The following TGS1 variants were observed in gnomAD, a reference collection of about 807,000 sequenced individuals.
The protein encoded by TGS1 is trimethylguanosine synthase 1.
In TGS1, 69 loss-of-function variants were observed where a neutral mutation model predicts 92.2. The ratio of observed to expected loss-of-function variants is 0.75; its 90% CI spans 0.62 to 0.91. The LOEUF (loss-of-function observed/expected upper bound fraction) is 0.91, where lower values mean the gene tolerates loss of function less well. Among genes scored for constraint, TGS1 ranks in the 40% least tolerant of loss-of-function variants. TGS1 has a pLI of 0.00. For synonymous variants in TGS1, 345 were observed against 338.1 expected (o/e 1.02, Z -0.22); for missense variants, 1,062 against 1,001.2 (o/e 1.06, Z -0.82).
intron 10 of TGS1, 101 bp downstream of exon 10, chr8:55,805,137 T>C: frequency 1.3e-6 from 1 of 768,820 alleles, no homozygotes; most frequent in Non-Finnish European, 1.9e-6. Flanking sequence ...AATATATAAT[T>C]AATAATTTAA....
At chr8:55,811,519 T>C (rs958033048) in intron 11 of TGS1, among the ~76,000 whole-genome samples, 1 of 149,976 alleles carries the variant, frequency 6.7e-6, no homozygotes, top group African/African-American at 2.5e-5. Flanking sequence ...CCCAGCACTT[T>C]GGGAGGCCGA....
intron 4 of TGS1, among the ~76,000 whole-genome samples, chr8:55,789,842 AT>A (rs1811823260): frequency 6.6e-6 from 1 of 152,232 alleles, no homozygotes; most frequent in South Asian, 2.1e-4. Context: ...GCTGCCTGTG[AT>A]TAGCCAAAAC....
At chr8:55,823,683 A>G (rs1211561519) in intron 12 of TGS1, among the ~76,000 whole-genome samples, 3 of 152,154 alleles carry the variant, frequency 2.0e-5, no homozygotes, top group Admixed American at 6.6e-5. Flanking sequence ...TGTTGAATGA[A>G]TGAGAGAGAG....
At chr8:55,809,020 A>T (rs904606539) in intron 10 of TGS1, among the ~76,000 whole-genome samples, 1 of 152,256 alleles carries the variant, frequency 6.6e-6, no homozygotes, top group African/African-American at 2.4e-5. Context: ...AATTACACTT[A>T]ACTGTTTTGA....
intron 12 of TGS1, 134 bp from the exon 13 acceptor site, chr8:55,824,447 A>G: frequency 8.9e-7 from 1 of 1,119,906 alleles, no homozygotes; most frequent in Non-Finnish European, 1.3e-6. Context: ...GTAGCAGTGA[A>G]CATTTGAGAT....
At chr8:55,778,134 A>G (rs557562887) in intron 1 of TGS1, among the ~76,000 whole-genome samples, 3 of 152,072 alleles carry the variant, frequency 2.0e-5, no homozygotes, top group Non-Finnish European at 4.4e-5. Context: ...TTAGCCAGGC[A>G]TGGTGGGGCA....
chr8:55,792,344 C>G (rs566622731), intron 5 of TGS1, among the ~76,000 whole-genome samples: 1 of 152,012 alleles, frequency 6.6e-6, no homozygotes, highest in African/African-American at 2.4e-5. Flanking sequence ...TTAAGGGAAA[C>G]CTCTGGAGAA....
chr8:55,824,833 T>TA lies in TGS1; in HGVS notation c.*131dup. The TA allele has an allele frequency of 9.8e-7, 1 of 1,019,302 alleles. No homozygotes were observed. 63.1% of individuals were successfully genotyped at this position (1,019,302 alleles called of 1,614,324 possible). On this transcript the variant is annotated 3_prime_UTR_variant, in exon 13 of 13. Coordinates refer to ENST00000260129, the MANE Select transcript of TGS1 (RefSeq NM_024831.8). ...TATATCACCGTATGAAATGGAAACT[T>TA]ACAGGACTTAAATATCAGTGAAATA... is the stretch of plus-strand genomic sequence containing the variant.
intron 1 of TGS1, among the ~76,000 whole-genome samples, chr8:55,780,657 C>T (rs62515242): frequency 6.6e-6 from 1 of 151,988 alleles, no homozygotes; most frequent in African/African-American, 2.4e-5. Flanking sequence ...GATAACTTCC[C>T]CCTGAATCAG....
intron 1 of TGS1, among the ~76,000 whole-genome samples, chr8:55,776,020 A>G (rs1370847844): frequency 6.6e-5 from 10 of 152,182 alleles, no homozygotes; most frequent in Admixed American, 6.5e-4. Flanking sequence ...TGTAGCAGGA[A>G]GAACCGCAGA....
rs545370349 is a variant in TGS1, at chr8:55,813,060, C to T, written c.2381C>T (p.Ser794Phe). The T allele has an allele frequency of 6.2e-7, 1 of 1,609,588 alleles. No homozygotes were observed. The highest frequency in any genetic ancestry group is 8.5e-7 in the Non-Finnish European group (1 of 1,176,890). The change falls in exon 12 of 13, where the codon TCT becomes TTT. Residue 794 changes from serine (S) to phenylalanine (F), a missense_variant. Physicochemically the swap from Ser to Phe is radical, Grantham distance 155 (BLOSUM62 -2). Transcript: ENST00000260129. Reference sequence around the variant, plus strand: ...TCCACCTTTGAAATTTTCAGACTTTCTAAGAAGATCACTAATAATATTGTT... The same window carrying T: ...TCCACCTTTGAAATTTTCAGACTTTTTAAGAAGATCACTAATAATATTGTT... ...SPDGFEIFRL[S>F]KKITNNIVYF...
chr8:55,808,100 A>G (rs1212340543), intron 10 of TGS1, among the ~76,000 whole-genome samples: 1 of 152,196 alleles, frequency 6.6e-6, no homozygotes, highest in Non-Finnish European at 1.5e-5. Context: ...TTACCATTAC[A>G]TAGATTTTTA....
chr8:55,822,816 CTT>C (rs373673315), intron 12 of TGS1, among the ~76,000 whole-genome samples: 4 of 152,080 alleles, frequency 2.6e-5, no homozygotes, highest in African/African-American at 9.7e-5. Flanking sequence ...CTGTGTCTGA[CTT>C]TTTACATACT....
chr8:55,773,800 G>T (rs1347185580), intron 1 of TGS1, 81 bp downstream of exon 1: 10 of 1,168,954 alleles, frequency 8.6e-6, no homozygotes, highest in Non-Finnish European at 1.2e-5. Context: ...GGTTGTAATT[G>T]ATCCCTGAAA....
At position 55,796,031 on chromosome 8, in the gene TGS1, A is replaced by C. The variant is rs780409627; in HGVS notation, c.1421A>C (p.Asn474Thr). Residue 474 changes from asparagine (N) to threonine (T), a missense_variant, in exon 7 of 13, where the codon AAT (asparagine) becomes ACT (threonine). Coordinates refer to ENST00000260129, the MANE Select transcript of TGS1 (RefSeq NM_024831.8). ...SHRQVRYLEK[N>T]VKLKSKYLDM... ...CGGCAGGTCAGGTATTTAGAGAAGAATGTGAAGCTTAAGTCTAAGTACCTA... is the reference window on the plus strand; with the variant it reads ...CGGCAGGTCAGGTATTTAGAGAAGACTGTGAAGCTTAAGTCTAAGTACCTA... The C allele has an allele frequency of 6.2e-7, 1 of 1,613,782 alleles. No homozygotes were observed. Among genetic ancestry groups the C allele is most frequent in the East Asian group, 2.2e-5 (1 of 44,804 alleles).
rs1264851373 is a variant in TGS1, at chr8:55,792,724, C to T, written c.1307C>T (p.Pro436Leu). 1.9e-6 allele frequency: 3 copies of T among 1,613,720 alleles called. No individual in the cohort carries two copies. The highest frequency in any genetic ancestry group is 2.5e-6 in the Non-Finnish European group (3 of 1,179,822). ...CATGAACTGGACATTGATGAAAACC[C>T]AGCTTCAGACTTTGATGACAGTGGT... ...RSHELDIDENPASDFDDSGSL... is the reference protein window; with the variant it reads ...RSHELDIDENLASDFDDSGSL... Residue 436 changes from proline to leucine, a missense_variant, in exon 6 of 13, where the codon CCA becomes CTA. Pro to Leu is a moderately conservative substitution (Grantham distance 98). Coordinates refer to ENST00000260129, the MANE Select transcript of TGS1 (RefSeq NM_024831.8).
intron 10 of TGS1, among the ~76,000 whole-genome samples, chr8:55,809,609 A>T (rs1048949492): frequency 4.6e-5 from 7 of 152,040 alleles, no homozygotes; most frequent in African/African-American, 1.7e-4. Context: ...GGCACATGCC[A>T]CCCCACCTGG....
intron 12 of TGS1, among the ~76,000 whole-genome samples, chr8:55,821,779 A>G (rs1368939734): frequency 3.3e-5 from 5 of 152,104 alleles, no homozygotes; most frequent in South Asian, 4.2e-4. Flanking sequence ...AGGCTGAGGC[A>G]GGAGAATGGC....
chr8:55,813,302 A>G lies in TGS1; in HGVS notation c.2439+184A>G, dbSNP rs145478575. Among the ~76,000 whole-genome samples the G allele has an allele frequency of 8.9e-4, 135 of 152,318 alleles. 1 individual carries two copies. The East Asian group carries it at 0.024, about 27-fold the overall frequency. ...TGTCTATTACATCGTCTTCATTTCCATAGCTCCTGGCATACATAGACACAA... is the reference window on the plus strand; with the variant it reads ...TGTCTATTACATCGTCTTCATTTCCGTAGCTCCTGGCATACATAGACACAA... On this transcript the variant is annotated intron_variant, in intron 12 of 12. Transcript: ENST00000260129.
Sources: gnomAD v4.1 joint callset for allele counts (sites outside exome capture counted in the v4.1 genomes callset) on GRCh38, gnomAD v4.1.1 for gene constraint, MANE v1.5 for transcripts, NCBI Gene and HGNC (gene_info 2026-07-23, HGNC 2026-07-21) for gene names.